The following FBRSL1 variants were observed in gnomAD, a reference collection of about 807,000 sequenced individuals.
FBRSL1 encodes the protein fibrosin-1-like protein.
FBRSL1 carries 51 observed loss-of-function variants against 89.6 expected under a neutral mutation model. That is an observed-to-expected ratio of 0.57 (90% CI 0.45 to 0.72). The LOEUF is 0.72. Ranked by LOEUF, FBRSL1 falls within the 30% of genes least tolerant of loss-of-function variation. The pLI is 0.00. For synonymous variants in FBRSL1, 779 were observed against 681.1 expected (o/e 1.14, Z -2.24); for missense variants, 1,618 against 1,451.8 (o/e 1.11, Z -1.86).
At chr12:132,556,919 A>G (rs1043004134) in intron 5 of FBRSL1, among the ~76,000 whole-genome samples, 2 of 151,694 alleles carry the variant, frequency 1.3e-5, no homozygotes, top group African/African-American at 4.9e-5. Flanking sequence ...GGCCCAATTC[A>G]AGGACACGTG....
chr12:132,540,462 CG>C (rs2037166618), intron 4 of FBRSL1, among the ~76,000 whole-genome samples: 1 of 151,300 alleles, frequency 6.6e-6, no homozygotes, highest in Non-Finnish European at 1.5e-5. Context: ...CACCCTGGCC[CG>C]GGCCACCTAC....
intron 2 of FBRSL1, chr12:132,510,515 C>G (rs2034212184): frequency 8.1e-7 from 1 of 1,231,768 alleles, no homozygotes; most frequent in African/African-American, 1.5e-5. Flanking sequence ...TGGCAGGGCC[C>G]CAAGGGCCAA....
rs564131600 is a variant in FBRSL1 at position 132,524,909 on chromosome 12, C to T, written c.490-825C>T. 3.3e-5 allele frequency among the ~76,000 whole-genome samples: 5 copies of T among 152,342 alleles called. No homozygotes were observed. The South Asian group carries it at 8.3e-4, about 25-fold the overall frequency. ...CCTGCATGGTCACTTAACCTGTCTGCGCCTCTGTTTTCTCATCCGTGAAAT... is the reference window on the plus strand; with the variant it reads ...CCTGCATGGTCACTTAACCTGTCTGTGCCTCTGTTTTCTCATCCGTGAAAT... On this transcript the variant is annotated intron_variant, in intron 2 of 18. Coordinates refer to ENST00000680143, the MANE Select transcript of FBRSL1 (RefSeq NM_001367871.1).
chr12:132,582,569 A>G (rs7315175), intron 18 of FBRSL1, among the ~76,000 whole-genome samples: 132,459 of 151,588 alleles, frequency 0.87, 58,024 homozygotes, highest in East Asian at 0.99. Context: ...CCCTGGGGCT[A>G]GGAAGGATGA....
intron 1 of FBRSL1, among the ~76,000 whole-genome samples, chr12:132,506,311 A>G (rs995496766): frequency 6.6e-6 from 1 of 152,206 alleles, no homozygotes; most frequent in Non-Finnish European, 1.5e-5. Context: ...AAAATGTGGT[A>G]AATTTAAACA....
chr12:132,549,796 C>T (rs896418506), intron 5 of FBRSL1, among the ~76,000 whole-genome samples: 1 of 152,212 alleles, frequency 6.6e-6, no homozygotes, highest in Non-Finnish European at 1.5e-5. Flanking sequence ...CCTCCGAGAC[C>T]CAAACGATGT....
At chr12:132,517,699 C>T (rs1056722823) in intron 2 of FBRSL1, among the ~76,000 whole-genome samples, 6 of 152,092 alleles carry the variant, frequency 3.9e-5, no homozygotes, top group African/African-American at 7.2e-5. Flanking sequence ...CCTGAGGAGC[C>T]GAGCGGGCAT....
chr12:132,548,123 CAGA>C (rs2137327250), intron 5 of FBRSL1, 91 bp downstream of exon 5: 1 of 1,464,388 alleles, frequency 6.8e-7, no homozygotes, highest in East Asian at 2.5e-5. Flanking sequence ...GGAGACCAGG[CAGA>C]AGATCGGGCC....
intron 4 of FBRSL1, 47 bp downstream of exon 4, chr12:132,528,035 T>G: frequency 6.6e-7 from 1 of 1,508,478 alleles, no homozygotes; most frequent in East Asian, 2.5e-5. Context: ...CCTGGGGCCT[T>G]AGGACCAGGT....
intron 17 of FBRSL1, 45 bp from the exon 18 acceptor site, chr12:132,582,017 G>A (rs926765827): frequency 1.2e-5 from 18 of 1,474,050 alleles, no homozygotes; most frequent in East Asian, 5.0e-5. Flanking sequence ...GAGTGGCTGG[G>A]GAGCAGACAG....
chr12:132,558,739 G>A (rs1208343557), intron 5 of FBRSL1, among the ~76,000 whole-genome samples: 1 of 152,234 alleles, frequency 6.6e-6, no homozygotes, highest in African/African-American at 2.4e-5. Context: ...CCCGCGGTTT[G>A]AATGGCTGCG....
Position 132,549,101 on chromosome 12 carries a change from G to A in FBRSL1, c.645+1069G>A, listed in dbSNP as rs562037554. Reference sequence around the variant, plus strand: ...GTGGCCGGGGGAGGAGGGTCTGGGCGGTTCAGTTTTCGACGTACCAAGAAG... The same window carrying A: ...GTGGCCGGGGGAGGAGGGTCTGGGCAGTTCAGTTTTCGACGTACCAAGAAG... On this transcript the variant is annotated intron_variant, in intron 5 of 18. Transcript: ENST00000680143. Among the ~76,000 whole-genome samples the A allele has an allele frequency of 1.6e-4, 25 of 152,286 alleles. No homozygotes were observed. The East Asian group carries it at 2.9e-3, about 18-fold the overall frequency.
intron 11 of FBRSL1, among the ~76,000 whole-genome samples, chr12:132,573,680 G>A (rs1270034037): frequency 6.6e-6 from 1 of 152,134 alleles, no homozygotes; most frequent in Non-Finnish European, 1.5e-5. Flanking sequence ...GGGCTGTGGT[G>A]TGATGGCCGG....
chr12:132,492,012 G>A (rs557665408), intron 1 of FBRSL1, among the ~76,000 whole-genome samples: 6 of 152,320 alleles, frequency 3.9e-5, no homozygotes, highest in Admixed American at 1.3e-4. Flanking sequence ...GCTGGCACAC[G>A]CCATTGCTCT....
chr12:132,508,804 G>A lies in FBRSL1; in HGVS notation c.489+454G>A, dbSNP rs115839180. Among the ~76,000 whole-genome samples the A allele has an allele frequency of 4.6e-3, 694 of 152,356 alleles. 2 individuals are homozygous for A. The highest frequency in any genetic ancestry group is 0.016 in the African/African-American group (660 of 41,590). On this transcript the variant is annotated intron_variant, in intron 2 of 18. Coordinates refer to ENST00000680143, the MANE Select transcript of FBRSL1 (RefSeq NM_001367871.1). ...GAAGGGAATACTTGGTCCCGGCAGTGGCTGCAGGCACGTGACTGTGGTCAG... is the reference window on the plus strand; with the variant it reads ...GAAGGGAATACTTGGTCCCGGCAGTAGCTGCAGGCACGTGACTGTGGTCAG...
At chr12:132,562,575 C>CT (rs1566207221) in intron 5 of FBRSL1, among the ~76,000 whole-genome samples, 8 of 152,146 alleles carry the variant, frequency 5.3e-5, no homozygotes, top group African/African-American at 1.9e-4. Context: ...ACCCCGACCC[C>CT]GGGGACCGCA....
chr12:132,504,475 A>C (rs2033426337), intron 1 of FBRSL1, among the ~76,000 whole-genome samples: 1 of 152,112 alleles, frequency 6.6e-6, no homozygotes, highest in African/African-American at 2.4e-5. Flanking sequence ...GGCCCTAGCC[A>C]CTACTGGGGG....
intron 9 of FBRSL1, 97 bp from the exon 10 acceptor site, chr12:132,572,191 G>A (rs529074024): frequency 3.0e-5 from 34 of 1,150,136 alleles, no homozygotes; most frequent in Admixed American, 8.5e-5. Flanking sequence ...GCACAACGCC[G>A]TCCTGTCACT....
intron 1 of FBRSL1, among the ~76,000 whole-genome samples, chr12:132,495,332 C>T (rs569433691): frequency 4.6e-5 from 7 of 152,318 alleles, no homozygotes; most frequent in East Asian, 3.9e-4. Context: ...TGCCGAGCAC[C>T]GCGTGTGGGG....
Sources: gnomAD v4.1 joint callset for allele counts (sites outside exome capture counted in the v4.1 genomes callset) on GRCh38, gnomAD v4.1.1 for gene constraint, MANE v1.5 for transcripts, NCBI Gene and HGNC (gene_info 2026-07-23, HGNC 2026-07-21) for gene names.